NRXN3: variants seen among roughly 807,000 people sequenced by gnomAD.
NRXN3 encodes neurexin III.
Under a neutral mutation model 137.6 loss-of-function variants are expected in NRXN3, and 32 were observed. That is an observed-to-expected ratio of 0.23 (90% CI 0.18 to 0.31). The LOEUF (loss-of-function observed/expected upper bound fraction) is 0.31, where lower values mean the gene tolerates loss of function less well. NRXN3 is among the 10% of genes least tolerant of loss of function. NRXN3 has a pLI of 1.00. For missense variants in NRXN3, 1,574 were observed against 2,062.5 expected (o/e 0.76, Z 4.59); for synonymous variants, 798 against 784.5 (o/e 1.02, Z -0.29).
chr14:78,760,961 C>T (rs1046783940), intron 8 of NRXN3, among the ~76,000 whole-genome samples: 1 of 151,970 alleles, frequency 6.6e-6, no homozygotes, highest in Non-Finnish European at 1.5e-5. Context: ...TAGTAATTAC[C>T]AAACAGAGTA....
chr14:78,452,404 C>T (rs1249766318), intron 4 of NRXN3, among the ~76,000 whole-genome samples: 2 of 152,196 alleles, frequency 1.3e-5, no homozygotes, highest in African/African-American at 4.8e-5. Context: ...CACCATTAAA[C>T]ATCTGAGAAA....
chr14:79,571,907 T>C (rs1169976457), intron 16 of NRXN3, among the ~76,000 whole-genome samples: 1 of 152,182 alleles, frequency 6.6e-6, no homozygotes, highest in Non-Finnish European at 1.5e-5. Context: ...TTCAGATGGT[T>C]ACCACTCGGA....
At chr14:79,337,329 G>A (rs1214075386) in intron 15 of NRXN3, among the ~76,000 whole-genome samples, 1 of 152,190 alleles carries the variant, frequency 6.6e-6, no homozygotes, top group Non-Finnish European at 1.5e-5. Flanking sequence ...AATGTTTAAT[G>A]TCTTCATCTT....
intron 16 of NRXN3, among the ~76,000 whole-genome samples, chr14:79,602,986 G>T (rs1289877965): frequency 6.6e-6 from 1 of 152,044 alleles, no homozygotes; most frequent in Non-Finnish European, 1.5e-5. Flanking sequence ...GCCTCTGAAG[G>T]CAAATCTTGA....
At chr14:78,852,223 A>G (rs1402161276) in intron 10 of NRXN3, among the ~76,000 whole-genome samples, 1 of 152,146 alleles carries the variant, frequency 6.6e-6, no homozygotes, top group Non-Finnish European at 1.5e-5. Context: ...CTTTGCTTAC[A>G]CATCCATCAT....
chr14:78,464,256 G>A lies in NRXN3; in HGVS notation c.757+166396G>A, dbSNP rs1277769778. 3.3e-5 allele frequency among the ~76,000 whole-genome samples: 5 copies of A among 151,902 alleles called. No individual in the cohort carries two copies. The South Asian group carries it at 8.3e-4, about 25-fold the overall frequency. The stretch of plus-strand genomic sequence containing the variant: ...TTTTTAGTAGAGACTGGGTTTCACC[G>A]TGTTGGCCAGACTGGTCTCAAACTC... On this transcript the variant is annotated intron_variant, in intron 4 of 20. Transcript: ENST00000335750.
intron 15 of NRXN3, among the ~76,000 whole-genome samples, chr14:79,036,593 G>GTT (rs57154485): frequency 9.0e-4 from 91 of 101,620 alleles, no homozygotes; most frequent in East Asian, 8.5e-3. Flanking sequence ...TTCGTTTTGG[G>GTT]TTTTTTTTTT....
At chr14:78,752,308 C>T (rs937098888) in intron 8 of NRXN3, among the ~76,000 whole-genome samples, 20 of 152,112 alleles carry the variant, frequency 1.3e-4, no homozygotes, top group African/African-American at 4.3e-4. Flanking sequence ...TCCAGCCACT[C>T]GGGAGGCTGA....
rs556932922 is a variant in NRXN3, at chr14:78,399,062, T to C, written c.757+101202T>C. On this transcript the variant is annotated intron_variant, in intron 4 of 20. Coordinates refer to ENST00000335750, the MANE Select transcript of NRXN3 (RefSeq NM_001330195.2). ...GTCTTCCTGGTTCTTTGACTAGAGA[T>C]AGCAGGCCTTCTATGGGGCTTTTTG... is the stretch of plus-strand genomic sequence containing the variant. Among the ~76,000 whole-genome samples, 16 of 152,334 alleles carry C rather than the reference T, an allele frequency of 1.1e-4. No individual in the cohort carries two copies. The East Asian group carries it at 1.3e-3, about 13-fold the overall frequency.
chr14:78,944,684 A>G (rs765531262), intron 10 of NRXN3, among the ~76,000 whole-genome samples: 23 of 152,202 alleles, frequency 1.5e-4, no homozygotes, highest in Non-Finnish European at 3.1e-4. Flanking sequence ...AGGAAGGGAC[A>G]AAAATGATTC....
At chr14:79,114,414 G>A (rs922877051) in intron 15 of NRXN3, among the ~76,000 whole-genome samples, 1 of 152,092 alleles carries the variant, frequency 6.6e-6, no homozygotes, top group Non-Finnish European at 1.5e-5. Context: ...AGGCTAGAGT[G>A]CAGTAGCACA....
intron 1 of NRXN3, among the ~76,000 whole-genome samples, chr14:78,211,455 G>T (rs1566977207): frequency 6.6e-6 from 1 of 152,242 alleles, no homozygotes; most frequent in Admixed American, 6.5e-5. Context: ...TGCCAAGGGA[G>T]TGGAGTTGGG....
chr14:78,540,219 C>G (rs2096575399), intron 4 of NRXN3, among the ~76,000 whole-genome samples: 1 of 152,000 alleles, frequency 6.6e-6, no homozygotes, highest in African/African-American at 2.4e-5. Context: ...TTAAAGTCTC[C>G]CATTATTATT....
At chr14:78,709,134 A>C in intron 6 of NRXN3, 83 bp from the exon 7 acceptor site, 1 of 1,353,336 alleles carries the variant, frequency 7.4e-7, no homozygotes, top group East Asian at 2.3e-5. Flanking sequence ...TTTTTGGGTC[A>C]TTTTTCCAGG....
At chr14:79,801,762 T>C (rs867161792) in intron 19 of NRXN3, among the ~76,000 whole-genome samples, 5 of 152,308 alleles carry the variant, frequency 3.3e-5, no homozygotes, top group Middle Eastern at 6.8e-3. Context: ...TGTACTCATA[T>C]AGAAGATCAA....
At chr14:79,446,973 C>T (rs2096072761) in intron 15 of NRXN3, among the ~76,000 whole-genome samples, 1 of 152,136 alleles carries the variant, frequency 6.6e-6, no homozygotes, top group Admixed American at 6.5e-5. Context: ...AAATTTTATA[C>T]CTGTTGATTA....
At chr14:78,308,335 G>A (rs930655598) in intron 4 of NRXN3, among the ~76,000 whole-genome samples, 2 of 152,050 alleles carry the variant, frequency 1.3e-5, no homozygotes, top group Non-Finnish European at 2.9e-5. Flanking sequence ...AGTTAGGAGG[G>A]ATGATGGTGT....
intron 15 of NRXN3, among the ~76,000 whole-genome samples, chr14:79,048,002 A>G (rs1057378487): frequency 2.3e-4 from 35 of 152,218 alleles, no homozygotes; most frequent in African/African-American, 8.0e-4. Context: ...AATAGTCTCA[A>G]AATGAAAACA....
chr14:79,043,496 T>G (rs146728235), intron 15 of NRXN3, among the ~76,000 whole-genome samples: 213 of 152,300 alleles, frequency 1.4e-3, no homozygotes, highest in Non-Finnish European at 9.8e-4. Context: ...GAAAAGCAAC[T>G]GGAGGTCCTG....
Sources: gnomAD v4.1 joint callset for allele counts (sites outside exome capture counted in the v4.1 genomes callset) on GRCh38, gnomAD v4.1.1 for gene constraint, MANE v1.5 for transcripts, NCBI Gene and HGNC (gene_info 2026-07-23, HGNC 2026-07-21) for gene names.